FGF14: variants seen among roughly 807,000 people sequenced by gnomAD.
FGF14 encodes the protein fibroblast growth factor homologous factor 4.
FGF14 carries 5 observed loss-of-function variants against 25.5 expected under a neutral mutation model. The ratio of observed to expected loss-of-function variants is 0.20; its 90% CI spans 0.10 to 0.41. The LOEUF (loss-of-function observed/expected upper bound fraction) is 0.41, where lower values mean the gene tolerates loss of function less well. Among genes scored for constraint, FGF14 ranks in the 10% least tolerant of loss-of-function variants. The pLI, the probability that FGF14 is intolerant of heterozygous loss-of-function variation, is 1.00. For missense variants in FGF14, 222 were observed against 320.1 expected (o/e 0.69, Z 2.34); for synonymous variants, 138 against 118.3 (o/e 1.17, Z -1.08).
chr13:101,756,739 C>T (rs4772410), intron 3 of FGF14, among the ~76,000 whole-genome samples: 7 of 151,576 alleles, frequency 4.6e-5, no homozygotes, highest in African/African-American at 1.5e-4. Context: ...TCCTCCACCA[C>T]CAAAAAAACA....
chr13:102,161,629 AAGAAGAAGAAGAAGAAGAAGAAGAAG>A (rs2047708918), intron 1 of FGF14, among the ~76,000 whole-genome samples: 4 of 8,702 alleles, frequency 4.6e-4, no homozygotes, highest in Admixed American at 3.2e-3. Flanking sequence ...GAAGAAGAAG[AAGAAGAAGAAGAAGAAGAAGAAGAAG>A]AAGAAGAAGA....
intron 1 of FGF14, among the ~76,000 whole-genome samples, chr13:102,287,595 C>T (rs2054170156): frequency 6.6e-6 from 1 of 152,034 alleles, no homozygotes; most frequent in Non-Finnish European, 1.5e-5. Flanking sequence ...TGAGAAAATA[C>T]CTTAGTTGAT....
intron 1 of FGF14, among the ~76,000 whole-genome samples, chr13:102,396,829 C>T (rs1188737867): frequency 1.1e-4 from 16 of 152,140 alleles, no homozygotes; most frequent in Admixed American, 9.8e-4. Context: ...GGCAGTACTC[C>T]GAAGCCTACC....
intron 1 of FGF14, among the ~76,000 whole-genome samples, chr13:101,886,001 T>C (rs1282256807): frequency 6.6e-6 from 1 of 152,214 alleles, no homozygotes; most frequent in Admixed American, 6.5e-5. Flanking sequence ...CTTCAGGACA[T>C]GTTTGTGAAA....
intron 1 of FGF14, among the ~76,000 whole-genome samples, chr13:101,944,788 T>C (rs1442562878): frequency 2.6e-5 from 4 of 152,130 alleles, no homozygotes; most frequent in Admixed American, 1.3e-4. Context: ...CCAGTCACAA[T>C]AGAACAAATA....
At chr13:102,360,687 A>G (rs1476636709) in intron 1 of FGF14, among the ~76,000 whole-genome samples, 1 of 152,204 alleles carries the variant, frequency 6.6e-6, no homozygotes, top group African/African-American at 2.4e-5. Context: ...CACCTTTTGA[A>G]GTCAATTTCA....
At chr13:102,395,555 C>A (rs2058560132) in intron 1 of FGF14, 1 of 152,244 alleles carries the variant, frequency 6.6e-6, no homozygotes, top group South Asian at 2.1e-4. Context: ...TATTTAGTAG[C>A]CAAATTCTTG....
intron 1 of FGF14, among the ~76,000 whole-genome samples, chr13:102,141,827 A>G (rs2046655286): frequency 1.3e-5 from 2 of 152,208 alleles, no homozygotes; most frequent in African/African-American, 2.4e-5. Flanking sequence ...GGGCACAAAT[A>G]AGGCTGTTTT....
intron 1 of FGF14, among the ~76,000 whole-genome samples, chr13:102,338,318 T>C (rs2138881154): frequency 6.6e-6 from 1 of 152,176 alleles, no homozygotes; most frequent in East Asian, 1.9e-4. Flanking sequence ...CTGACATCCA[T>C]GCCCCCCCTT....
intron 1 of FGF14, among the ~76,000 whole-genome samples, chr13:102,358,180 A>G (rs916497047): frequency 6.6e-6 from 1 of 152,224 alleles, no homozygotes; most frequent in Non-Finnish European, 1.5e-5. Flanking sequence ...CTAAATAATG[A>G]TTGCATATTA....
chr13:102,025,160 C>T (rs79750145), intron 1 of FGF14, among the ~76,000 whole-genome samples: 2,055 of 151,718 alleles, frequency 0.014, 44 homozygotes, highest in African/African-American at 0.047. Context: ...AAGACTGTTT[C>T]GGCTATAAGT....
intron 1 of FGF14, among the ~76,000 whole-genome samples, chr13:101,974,150 G>C (rs912846953): frequency 6.6e-6 from 1 of 152,144 alleles, no homozygotes; most frequent in African/African-American, 2.4e-5. Context: ...TAGAAATAGG[G>C]AATACAGAAA....
At chr13:101,751,164 A>C (rs1168797989) in intron 3 of FGF14, among the ~76,000 whole-genome samples, 2 of 152,142 alleles carry the variant, frequency 1.3e-5, no homozygotes, top group Non-Finnish European at 2.9e-5. Flanking sequence ...AGAATGTACA[A>C]CACCTAGAGT....
intron 1 of FGF14, among the ~76,000 whole-genome samples, chr13:102,398,798 T>G (rs937633062): frequency 6.6e-5 from 10 of 151,342 alleles, no homozygotes; most frequent in African/African-American, 2.4e-4. Context: ...ATGGGTTCGA[T>G]TCAAGCTTAA....
intron 3 of FGF14, among the ~76,000 whole-genome samples, chr13:101,763,161 T>A (rs1054503235): frequency 1.3e-5 from 2 of 151,366 alleles, no homozygotes; most frequent in African/African-American, 4.8e-5. Context: ...TAGAGTGTGA[T>A]GAAGTGAAAG....
intron 3 of FGF14, among the ~76,000 whole-genome samples, chr13:101,832,778 A>C (rs996660761): frequency 3.9e-5 from 6 of 152,052 alleles, no homozygotes; most frequent in African/African-American, 1.4e-4. Flanking sequence ...AATGAGATAG[A>C]AAGACATAAG....
At chr13:102,052,420 T>TAC (rs2042250779) in intron 1 of FGF14, among the ~76,000 whole-genome samples, 1 of 151,822 alleles carries the variant, frequency 6.6e-6, no homozygotes, top group Admixed American at 6.6e-5. Context: ...AACAAGACTA[T>TAC]ACCAAGACAT....
rs1166446102 is a variant in FGF14 at position 102,087,575 on chromosome 13, C to CTT, written c.209-212281_209-212280dup. On this transcript the variant is annotated intron_variant, in intron 1 of 4. Transcript: ENST00000376131. ...TACAGGCACCTGCCACCATGCCTGG[C>CTT]TTTTTTTTTTTTTTTTTTTTTTGTA... Among the ~76,000 whole-genome samples the CTT allele has an allele frequency of 7.0e-3, 556 of 79,866 alleles. 14 individuals carry two copies. Among genetic ancestry groups the CTT allele is most frequent in the South Asian group, 9.8e-3 (18 of 1,828 alleles). The allele number at this position is 79,866 out of a possible 152,430, so 52.4% of individuals were successfully genotyped here. A position where few individuals can be genotyped will look rare whatever the true frequency, so the allele number is the denominator to read the frequency against.
chr13:102,035,695 T>A (rs1432924642), intron 1 of FGF14, among the ~76,000 whole-genome samples: 1 of 152,218 alleles, frequency 6.6e-6, no homozygotes, highest in Non-Finnish European at 1.5e-5. Context: ...TTAATAACTT[T>A]TAGCACTTCA....
Sources: allele counts gnomAD v4.1 joint callset (sites outside exome capture counted in the v4.1 genomes callset), GRCh38; gene constraint gnomAD v4.1.1; transcripts MANE v1.5; gene names NCBI Gene and HGNC (gene_info 2026-07-23, HGNC 2026-07-21).